HIVEP1: variants seen among roughly 807,000 people sequenced by gnomAD.
HIVEP1 encodes zinc finger protein 40.
A neutral mutation model predicts 180.0 loss-of-function variants in HIVEP1; 36 were observed. That is an observed-to-expected ratio of 0.20 (90% CI 0.15 to 0.26). The LOEUF is 0.26. Ranked by LOEUF, HIVEP1 falls within the 10% of genes least tolerant of loss-of-function variation. The pLI is 1.00. For missense variants in HIVEP1, 3,143 were observed against 3,268.7 expected (o/e 0.96, Z 0.94); for synonymous variants, 1,239 against 1,239.0 (o/e 1.00, Z 0.00).
At chr6:12,061,547 G>A (rs1170670886) in intron 2 of HIVEP1, among the ~76,000 whole-genome samples, 2 of 152,038 alleles carry the variant, frequency 1.3e-5, no homozygotes, top group African/African-American at 2.4e-5. Context: ...AAATGTAGAA[G>A]AAAATCACTT....
intron 2 of HIVEP1, among the ~76,000 whole-genome samples, chr6:12,069,827 TATG>T (rs202223534): frequency 0.011 from 1,723 of 152,168 alleles, 15 homozygotes; most frequent in Middle Eastern, 0.02. Flanking sequence ...TTGACTCTTC[TATG>T]ATAACATCTA....
the HIVEP1 span, among the ~76,000 whole-genome samples, chr6:12,188,214 C>T: frequency 6.6e-6 from 1 of 152,164 alleles, no homozygotes; most frequent in African/African-American, 2.4e-5. Flanking sequence ...AAATGGGGTT[C>T]ATACCAGTGA....
chr6:12,196,805 A>G, the HIVEP1 span, among the ~76,000 whole-genome samples: 1 of 152,208 alleles, frequency 6.6e-6, no homozygotes, highest in Admixed American at 6.5e-5. Flanking sequence ...GCTGCCCGGC[A>G]TGTCACATTC....
downstream of HIVEP1, among the ~76,000 whole-genome samples, chr6:12,167,717 T>TACATATATGCATA (rs1562023887): frequency 1.2e-5 from 1 of 83,264 alleles, no homozygotes; most frequent in South Asian, 3.5e-4. Context: ...ATATGCATAA[T>TACATATATGCATA]ATATATACAT....
intron 2 of HIVEP1, among the ~76,000 whole-genome samples, chr6:12,061,681 G>A (rs1282458446): frequency 1.3e-5 from 2 of 151,994 alleles, no homozygotes; most frequent in South Asian, 2.1e-4. Flanking sequence ...CAAGTTTATA[G>A]TATGATCATT....
chr6:12,186,729 C>T, the HIVEP1 span, among the ~76,000 whole-genome samples: 1 of 152,024 alleles, frequency 6.6e-6, no homozygotes, highest in Non-Finnish European at 1.5e-5. Context: ...ATGAAAGTTA[C>T]TAGACATGCA....
At chr6:12,189,681 A>C in the HIVEP1 span, among the ~76,000 whole-genome samples, 16 of 152,200 alleles carry the variant, frequency 1.1e-4, no homozygotes, top group African/African-American at 3.6e-4. Context: ...TGACAGTAAA[A>C]TCATTAGTCT....
chr6:12,159,257 G>T (rs1245581287), intron 7 of HIVEP1, among the ~76,000 whole-genome samples: 1 of 152,052 alleles, frequency 6.6e-6, no homozygotes, highest in Non-Finnish European at 1.5e-5. Flanking sequence ...ACGTAAACAG[G>T]TCCCATCCTT....
At chr6:12,053,192 A>C (rs969686294) in intron 2 of HIVEP1, among the ~76,000 whole-genome samples, 8 of 152,104 alleles carry the variant, frequency 5.3e-5, no homozygotes, top group Non-Finnish European at 1.0e-4. Flanking sequence ...ACAAGGTATA[A>C]AATTATTATA....
intron 2 of HIVEP1, among the ~76,000 whole-genome samples, chr6:12,051,677 G>A (rs1025566516): frequency 6.6e-6 from 1 of 150,982 alleles, no homozygotes; most frequent in African/African-American, 2.4e-5. Context: ...TTGTTTCTCG[G>A]GAAGGGAGGT....
chr6:12,011,613 T>C (rs1455502131), upstream of HIVEP1, among the ~76,000 whole-genome samples: 9 of 96,240 alleles, frequency 9.4e-5, no homozygotes, highest in South Asian at 2.9e-3. Flanking sequence ...CGCGTCCCCC[T>C]CCCGTCCCTG....
In HIVEP1 at chr6:12,119,935, G is replaced by A. The variant is rs1229095597; in HGVS notation, c.140G>A (p.Gly47Asp). 1 of 1,597,872 alleles carries A rather than the reference G, an allele frequency of 6.3e-7. No individual in the cohort carries two copies. The highest frequency in any genetic ancestry group is 8.5e-7 in the Non-Finnish European group (1 of 1,175,504). ...GVKGTSESLK[G>D]VKRKKIVAEN... Reference sequence around the variant, plus strand: ...AAAGGAACTTCGGAATCCCTTAAAGGTGTGAAACGCAAAAAGATCGTAGCT... The same window carrying A: ...AAAGGAACTTCGGAATCCCTTAAAGATGTGAAACGCAAAAAGATCGTAGCT... The change falls in exon 4 of 9, where the codon GGT becomes GAT. Residue 47 changes from glycine to aspartate, a missense_variant. Transcript: ENST00000379388.
intron 2 of HIVEP1, among the ~76,000 whole-genome samples, chr6:12,037,438 T>C (rs571218226): frequency 1.5e-4 from 23 of 152,350 alleles, no homozygotes; most frequent in African/African-American, 5.1e-4. Context: ...TGAGACCGTT[T>C]ATTGCATTGG....
At chr6:12,025,729 C>T (rs1022829284) in intron 2 of HIVEP1, among the ~76,000 whole-genome samples, 1 of 152,198 alleles carries the variant, frequency 6.6e-6, no homozygotes, top group African/African-American at 2.4e-5. Flanking sequence ...TTCTTCCACA[C>T]TGCAGGTAAA....
At chr6:12,049,113 A>G (rs1770324766) in intron 2 of HIVEP1, among the ~76,000 whole-genome samples, 1 of 152,220 alleles carries the variant, frequency 6.6e-6, no homozygotes, top group Non-Finnish European at 1.5e-5. Flanking sequence ...GATTCTCCCA[A>G]GCCTTTATAA....
intron 2 of HIVEP1, among the ~76,000 whole-genome samples, chr6:12,032,806 G>A (rs1001121940): frequency 2.0e-5 from 3 of 152,084 alleles, no homozygotes; most frequent in East Asian, 1.9e-4. Context: ...GCTTCTTAAC[G>A]TTTTCTCCTT....
chr6:12,098,530 T>C (rs1773903036), intron 3 of HIVEP1, among the ~76,000 whole-genome samples: 2 of 152,200 alleles, frequency 1.3e-5, no homozygotes, highest in South Asian at 4.1e-4. Flanking sequence ...CTATTTAGGC[T>C]TTTCCCCAGG....
chr6:12,109,254 A>G (rs987909762), intron 3 of HIVEP1, among the ~76,000 whole-genome samples: 2 of 152,112 alleles, frequency 1.3e-5, no homozygotes, highest in Non-Finnish European at 2.9e-5. Context: ...CAGCCTCCCA[A>G]AGTGCTGGGA....
chr6:12,172,445 G>GA, the HIVEP1 span, among the ~76,000 whole-genome samples: 4,116 of 151,320 alleles, frequency 0.027, 189 homozygotes, highest in African/African-American at 0.094. Flanking sequence ...ATCTCATTCT[G>GA]AAAAAAAATA....
Sources: allele counts gnomAD v4.1 joint callset (sites outside exome capture counted in the v4.1 genomes callset), GRCh38; gene constraint gnomAD v4.1.1; transcripts MANE v1.5; gene names NCBI Gene and HGNC (gene_info 2026-07-23, HGNC 2026-07-21).